The following KSR2 variants were observed in gnomAD, a reference collection of about 807,000 sequenced individuals.
KSR2 encodes kinase suppressor of ras 2.
A neutral mutation model predicts 107.8 loss-of-function variants in KSR2; 25 were observed. The ratio of observed to expected loss-of-function variants is 0.23; its 90% CI spans 0.17 to 0.32. KSR2 has a LOEUF of 0.32. Ranked by LOEUF, KSR2 falls within the 10% of genes least tolerant of loss-of-function variation. The probability of loss-of-function intolerance (pLI) is 1.00; values close to 1 mark genes in which losing one functional copy is unlikely to be tolerated. For synonymous variants in KSR2, 480 were observed against 507.0 expected (o/e 0.95, Z 0.71); for missense variants, 887 against 1,268.9 (o/e 0.70, Z 4.57).
At chr12:117,824,271 G>T (rs767118288) in intron 3 of KSR2, among the ~76,000 whole-genome samples, 1 of 151,558 alleles carries the variant, frequency 6.6e-6, no homozygotes, top group East Asian at 1.9e-4. Flanking sequence ...AGGGGGAGGG[G>T]GTATGACGAC....
At chr12:117,527,314 C>CACACACAG (rs1875254123) in intron 12 of KSR2, among the ~76,000 whole-genome samples, 195 bp from the exon 13 acceptor site, 2 of 137,770 alleles carry the variant, frequency 1.5e-5, no homozygotes, top group African/African-American at 6.3e-5. Context: ...CACACACACA[C>CACACACAG]ACACACACAC....
chr12:117,762,809 A>G (rs1889088708), intron 3 of KSR2, among the ~76,000 whole-genome samples: 1 of 152,062 alleles, frequency 6.6e-6, no homozygotes, highest in Admixed American at 6.6e-5. Flanking sequence ...CAGAGGTTGC[A>G]GTGAGCTGAG....
chr12:117,858,230 C>T (rs1017566825), intron 2 of KSR2, among the ~76,000 whole-genome samples: 3 of 152,136 alleles, frequency 2.0e-5, no homozygotes, highest in East Asian at 3.8e-4. Context: ...GGTCTAGAAT[C>T]GAATCGTTTC....
At chr12:117,838,090 A>T (rs1892309479) in intron 3 of KSR2, among the ~76,000 whole-genome samples, 1 of 152,212 alleles carries the variant, frequency 6.6e-6, no homozygotes, top group Non-Finnish European at 1.5e-5. Flanking sequence ...AGACAACGAG[A>T]TGTGGTCCCC....
At chr12:117,803,279 G>A (rs530988166) in intron 3 of KSR2, among the ~76,000 whole-genome samples, 3 of 152,338 alleles carry the variant, frequency 2.0e-5, no homozygotes, top group Admixed American at 1.3e-4. Context: ...GCGGACGGCA[G>A]AGAGGTGGCA....
At chr12:117,730,105 AAT>A (rs1288243207) in intron 4 of KSR2, among the ~76,000 whole-genome samples, 1 of 152,190 alleles carries the variant, frequency 6.6e-6, no homozygotes, top group African/African-American at 2.4e-5. Context: ...AGCCAAAGAA[AAT>A]ATGTCATTGA....
intron 5 of KSR2, among the ~76,000 whole-genome samples, chr12:117,592,122 T>G (rs565784873): frequency 4.8e-3 from 672 of 139,852 alleles, no homozygotes; most frequent in Non-Finnish European, 8.7e-3. Context: ...TCCCCCCAAC[T>G]TTTTTTTTTT....
Position 117,686,972 on chromosome 12 carries a change from G to T in KSR2, c.987-19314C>A, listed in dbSNP as rs185310661. 3.7e-3 allele frequency among the ~76,000 whole-genome samples: 564 copies of T among 152,220 alleles called. 6 individuals carry two copies. The highest frequency in any genetic ancestry group is 0.012 in the African/African-American group (483 of 41,504). On this transcript the variant is annotated intron_variant, in intron 4 of 19. Transcript: ENST00000339824. ...GGACTCAGAAGATGCTGGGGCTGGC[G>T]GGCTGGCTGGCTGGGTGCCCAGGGC...
At chr12:117,698,789 T>G (rs1021518516) in intron 4 of KSR2, among the ~76,000 whole-genome samples, 2 of 152,220 alleles carry the variant, frequency 1.3e-5, no homozygotes, top group Non-Finnish European at 2.9e-5. Flanking sequence ...CCTCCTTGTT[T>G]TCTCCTAGCA....
intron 9 of KSR2, among the ~76,000 whole-genome samples, chr12:117,544,487 C>A (rs1876719321): frequency 6.6e-6 from 1 of 151,980 alleles, no homozygotes; most frequent in South Asian, 2.1e-4. Flanking sequence ...GGTGCGGTGG[C>A]ACACACCTGT....
chr12:117,652,989 C>A (rs1593095097), intron 5 of KSR2, among the ~76,000 whole-genome samples: 1 of 152,232 alleles, frequency 6.6e-6, no homozygotes, highest in East Asian at 1.9e-4. Flanking sequence ...GTGGGAAAGG[C>A]CAAATGGAAG....
intron 5 of KSR2, among the ~76,000 whole-genome samples, chr12:117,662,279 C>T (rs1455205832): frequency 6.6e-6 from 1 of 152,238 alleles, no homozygotes; most frequent in African/African-American, 2.4e-5. Context: ...TCTGTCAAGA[C>T]ACGAGCCTCT....
intron 5 of KSR2, among the ~76,000 whole-genome samples, chr12:117,666,550 A>G (rs1322673179): frequency 6.6e-6 from 1 of 152,174 alleles, no homozygotes; most frequent in Non-Finnish European, 1.5e-5. Context: ...CTTCTGTACA[A>G]TGGGAATAAT....
Position 117,934,518 on chromosome 12 carries a change from G to C in KSR2, c.180+33558C>G, listed in dbSNP as rs564893169. Among the ~76,000 whole-genome samples the C allele has an allele frequency of 3.9e-5, 6 of 152,294 alleles. No homozygotes were observed. In the South Asian group the frequency reaches 1.2e-3, roughly 32 times the overall value. The stretch of plus-strand genomic sequence containing the variant: ...AGCCAAACTGAGAGGTGTAGACAAG[G>C]CTTTGCTTTGTCAAGTACCTGGATC... On this transcript the variant is annotated intron_variant, in intron 1 of 19. Coordinates refer to ENST00000339824, the MANE Select transcript of KSR2 (RefSeq NM_173598.6).
intron 3 of KSR2, among the ~76,000 whole-genome samples, chr12:117,798,238 C>T (rs946584970): frequency 6.6e-6 from 1 of 152,204 alleles, no homozygotes; most frequent in African/African-American, 2.4e-5. Context: ...CTGCCTGGTG[C>T]CAGCTACTCA....
intron 16 of KSR2, among the ~76,000 whole-genome samples, chr12:117,483,903 A>G (rs1212986963): frequency 6.6e-6 from 1 of 152,214 alleles, no homozygotes; most frequent in Non-Finnish European, 1.5e-5. Flanking sequence ...CAAACCTACC[A>G]CTTTTCTTGC....
chr12:117,694,868 G>A (rs1286682500), intron 4 of KSR2, among the ~76,000 whole-genome samples: 1 of 28,002 alleles, frequency 3.6e-5, no homozygotes, highest in African/African-American at 1.1e-4. Flanking sequence ...TTTTTTTTTT[G>A]AGATGGAGCC....
chr12:117,526,158 C>T (rs547511039), intron 13 of KSR2, among the ~76,000 whole-genome samples: 5 of 152,190 alleles, frequency 3.3e-5, no homozygotes, highest in East Asian at 1.9e-4. Flanking sequence ...TCAAAATATC[C>T]GCAGGCCAGG....
At chr12:117,628,320 C>A (rs1882629071) in intron 5 of KSR2, among the ~76,000 whole-genome samples, 1 of 152,138 alleles carries the variant, frequency 6.6e-6, no homozygotes, top group African/African-American at 2.4e-5. Flanking sequence ...CTGGTTTCTC[C>A]CCATCTTTGT....
Sources: allele counts gnomAD v4.1 joint callset (sites outside exome capture counted in the v4.1 genomes callset), GRCh38; gene constraint gnomAD v4.1.1; transcripts MANE v1.5; gene names NCBI Gene and HGNC (gene_info 2026-07-23, HGNC 2026-07-21).